ZNF385D: variants seen among roughly 807,000 people sequenced by gnomAD.
ZNF385D encodes zinc finger protein 385D.
A neutral mutation model predicts 35.8 loss-of-function variants in ZNF385D; 15 were observed. That is an observed-to-expected ratio of 0.42 (90% CI 0.28 to 0.64). The LOEUF (loss-of-function observed/expected upper bound fraction) is 0.64. Ranked by LOEUF, ZNF385D falls within the 30% of genes least tolerant of loss-of-function variation. ZNF385D has a pLI of 0.23. For synonymous variants in ZNF385D, 212 were observed against 186.8 expected (o/e 1.13, Z -1.10); for missense variants, 474 against 494.6 (o/e 0.96, Z 0.39).
Position 21,978,045 on chromosome 3 carries a change from T to C in ZNF385D, c.325+190772A>G, listed in dbSNP as rs556857331. 3.7e-4 allele frequency among the ~76,000 whole-genome samples: 56 copies of C among 152,266 alleles called. No individual in the cohort carries two copies. In the South Asian group the frequency reaches 0.011, roughly 29 times the overall value. ...TATTAATAGTGACACTACTAAAGAA[T>C]TCATAAATAAACAATATATCAGACC... On this transcript the variant is annotated intron_variant, in intron 3 of 5. Transcript: ENST00000494108.
intron 3 of ZNF385D, among the ~76,000 whole-genome samples, chr3:21,928,666 C>A (rs931541340): frequency 2.0e-5 from 3 of 152,076 alleles, no homozygotes; most frequent in South Asian, 4.1e-4. Context: ...GGGACAGCAA[C>A]ACAAACTTCA....
At chr3:22,165,587 G>A (rs553147947) in intron 3 of ZNF385D, among the ~76,000 whole-genome samples, 1 of 152,290 alleles carries the variant, frequency 6.6e-6, no homozygotes, top group South Asian at 2.1e-4. Flanking sequence ...AAATGTTAGG[G>A]TTTGAAATAA....
chr3:21,632,756 T>C (rs2065318686), intron 2 of ZNF385D, among the ~76,000 whole-genome samples: 5 of 152,128 alleles, frequency 3.3e-5, no homozygotes, highest in Admixed American at 2.0e-4. Context: ...CTGGATTGGC[T>C]GTGACAAAAT....
At chr3:22,162,602 T>C (rs568118626) in intron 3 of ZNF385D, among the ~76,000 whole-genome samples, 6 of 152,154 alleles carry the variant, frequency 3.9e-5, no homozygotes, top group Admixed American at 1.3e-4. Context: ...CTTCCCTCAC[T>C]GTCCTATTAC....
intron 2 of ZNF385D, among the ~76,000 whole-genome samples, chr3:22,214,445 A>G (rs1171475747): frequency 1.3e-5 from 2 of 152,126 alleles, no homozygotes; most frequent in Non-Finnish European, 2.9e-5. Context: ...TTCAGGGAAC[A>G]AGAGAGATAA....
chr3:21,978,455 A>T (rs1703777315), intron 3 of ZNF385D, among the ~76,000 whole-genome samples: 1 of 152,246 alleles, frequency 6.6e-6, no homozygotes, highest in African/African-American at 2.4e-5. Context: ...ATAACCCAGG[A>T]ACTATGCCAT....
chr3:21,856,779 A>G (rs1380940119), intron 3 of ZNF385D, among the ~76,000 whole-genome samples: 1 of 152,102 alleles, frequency 6.6e-6, no homozygotes, highest in South Asian at 2.1e-4. Flanking sequence ...AGGAACAACC[A>G]GCTCATAGGT....
intron 1 of ZNF385D, among the ~76,000 whole-genome samples, chr3:21,720,715 T>C (rs1232536130): frequency 6.6e-6 from 1 of 152,220 alleles, no homozygotes; most frequent in Non-Finnish European, 1.5e-5. Flanking sequence ...TCAAGGTCTT[T>C]TTCTTTCTGT....
intron 3 of ZNF385D, among the ~76,000 whole-genome samples, chr3:21,939,849 A>G (rs1701431148): frequency 6.6e-6 from 1 of 152,188 alleles, no homozygotes; most frequent in Admixed American, 6.5e-5. Flanking sequence ...TGAGAGATCT[A>G]TATAAGTAAA....
intron 3 of ZNF385D, among the ~76,000 whole-genome samples, chr3:22,047,240 T>C (rs1699058578): frequency 6.6e-6 from 1 of 152,124 alleles, no homozygotes; most frequent in Non-Finnish European, 1.5e-5. Context: ...TCACATACTT[T>C]TTTTTTGTGG....
chr3:22,286,705 C>A (rs1218771979), intron 2 of ZNF385D, among the ~76,000 whole-genome samples: 1 of 152,082 alleles, frequency 6.6e-6, no homozygotes, highest in Non-Finnish European at 1.5e-5. Context: ...TTCCATGATT[C>A]CTCCTCTTAC....
chr3:21,560,851 G>C (rs915555945), intron 3 of ZNF385D, among the ~76,000 whole-genome samples: 3 of 152,174 alleles, frequency 2.0e-5, no homozygotes, highest in Non-Finnish European at 2.9e-5. Flanking sequence ...TGCCCAGGGA[G>C]GAGGAATCTA....
intron 3 of ZNF385D, among the ~76,000 whole-genome samples, chr3:22,074,160 G>C (rs768998377): frequency 3.4e-4 from 52 of 151,834 alleles, no homozygotes; most frequent in Admixed American, 1.8e-3. Flanking sequence ...CTTCCCAAAG[G>C]GTTTTACAGA....
chr3:22,110,034 A>G (rs1190109323), intron 3 of ZNF385D, among the ~76,000 whole-genome samples: 1 of 152,176 alleles, frequency 6.6e-6, no homozygotes, highest in Non-Finnish European at 1.5e-5. Context: ...GACACATGAA[A>G]AAATGCTCAT....
At chr3:22,066,667 G>T (rs138758425) in intron 3 of ZNF385D, among the ~76,000 whole-genome samples, 1 of 151,618 alleles carries the variant, frequency 6.6e-6, no homozygotes, top group East Asian at 1.9e-4. Flanking sequence ...GTTGTAGGAG[G>T]CAGTAACAAG....
chr3:21,459,506 CAA>C (rs965052778), intron 4 of ZNF385D: 1 of 149,400 alleles, frequency 6.7e-6, no homozygotes, highest in African/African-American at 2.5e-5. Context: ...CATATAAATG[CAA>C]AAAAAAATTT....
chr3:22,070,798 C>G (rs942168198), intron 3 of ZNF385D, among the ~76,000 whole-genome samples: 5 of 152,084 alleles, frequency 3.3e-5, no homozygotes, highest in African/African-American at 1.2e-4. Flanking sequence ...AATTAATGAA[C>G]AAGTTTATTT....
chr3:21,880,491 AT>A (rs1008814770), intron 3 of ZNF385D, among the ~76,000 whole-genome samples: 8 of 152,016 alleles, frequency 5.3e-5, no homozygotes, highest in Non-Finnish European at 7.4e-5. Flanking sequence ...CCTATAAGAG[AT>A]GGCAAACTTC....
At chr3:21,614,575 C>T (rs2064786270) in intron 2 of ZNF385D, among the ~76,000 whole-genome samples, 2 of 152,040 alleles carry the variant, frequency 1.3e-5, no homozygotes, top group African/African-American at 4.8e-5. Flanking sequence ...CCAGCCAGCC[C>T]TGAAGTACAG....
Sources: gnomAD v4.1 joint callset for allele counts (sites outside exome capture counted in the v4.1 genomes callset) on GRCh38, gnomAD v4.1.1 for gene constraint, MANE v1.5 for transcripts, NCBI Gene and HGNC (gene_info 2026-07-23, HGNC 2026-07-21) for gene names.